Variants in RFTN1 observed in about 807,000 individuals in gnomAD.
RFTN1 encodes the protein raftlin.
Under a neutral mutation model 46.5 loss-of-function variants are expected in RFTN1, and 26 were observed. That is an observed-to-expected ratio of 0.56 (90% confidence interval 0.41 to 0.78). The LOEUF (loss-of-function observed/expected upper bound fraction) is 0.78. Ranked by LOEUF, RFTN1 falls within the 30% of genes least tolerant of loss-of-function variation. The pLI is 0.00. For synonymous variants in RFTN1, 261 were observed against 284.2 expected (o/e 0.92, Z 0.82); for missense variants, 693 against 718.7 (o/e 0.96, Z 0.41).
chr3:16,480,466 C>T lies in RFTN1; in HGVS notation c.145+13259G>A, dbSNP rs140498863. 6.6e-6 allele frequency among the ~76,000 whole-genome samples: 1 copy of T among 152,266 alleles called. No homozygotes were observed. The highest frequency in any genetic ancestry group is 1.9e-4 in the East Asian group (1 of 5,184). On this transcript the variant is annotated intron_variant, in intron 2 of 9. Coordinates refer to ENST00000334133, the MANE Select transcript of RFTN1 (RefSeq NM_015150.2). The surrounding 1 kb of genome is among the most constrained non-coding windows in gnomAD (Gnocchi z 4.3). ...TGGCTGCTAAGTGTAGCAGGTACTC[C>T]TTGCCCATGTAATTTTTACTTATCA...
In RFTN1 at chr3:16,473,201, T is replaced by C. The variant is rs1178280299; in HGVS notation, c.145+20524A>G. Among the ~76,000 whole-genome samples, 1 of 152,186 alleles carries C rather than the reference T, an allele frequency of 6.6e-6. No individual in the cohort carries two copies. The highest frequency in any genetic ancestry group is 6.5e-5 in the Admixed American group (1 of 15,286). ...TCCTTCAGCACAATTAGGTCAACAC[T>C]GTTGACCACAGTATACCACCTCCAC... On this transcript the variant is annotated intron_variant, in intron 2 of 9. Transcript: ENST00000334133. This position sits in a 1 kb window ranked among gnomAD's most constrained non-coding sequence, Gnocchi z 5.3.
rs1009528518 is a variant in RFTN1 at position 16,409,466 on chromosome 3, A to T, written c.350T>A (p.Leu117His). The T allele has an allele frequency of 1.2e-6, 2 of 1,612,046 alleles. No individual in the cohort carries two copies. Among genetic ancestry groups the T allele is most frequent in the Non-Finnish European group, 8.5e-7 (1 of 1,178,292 alleles). The change falls in exon 4 of 10, where the codon CTT becomes CAT. Residue 117 changes from leucine to histidine, a missense_variant. Physicochemically the swap from Leu to His is moderately conservative, Grantham distance 99 (BLOSUM62 -3). Transcript: ENST00000334133. ...TTCCAAGATGTAGCCTTCATTGTGA[A>T]GATCAGTTTTCTGAGATCTGAAGAG... ...KKTDRSQKTDLHNEGYILELD... is the reference protein window; with the variant it reads ...KKTDRSQKTDHHNEGYILELD...
At chr3:16,326,294 AC>A (rs2069680742) in intron 8 of RFTN1, among the ~76,000 whole-genome samples, 1 of 152,238 alleles carries the variant, frequency 6.6e-6, no homozygotes, top group Admixed American at 6.5e-5. Flanking sequence ...GGAGCTGGTG[AC>A]CAGTGCTTGA....
chr3:16,492,340 A>G (rs2076549636), intron 2 of RFTN1, among the ~76,000 whole-genome samples: 1 of 152,178 alleles, frequency 6.6e-6, no homozygotes, highest in East Asian at 1.9e-4. Context: ...GAAGAGAAAC[A>G]CCTGCAGACC....
At chr3:16,508,696 G>GCACACA (rs3029330) in intron 1 of RFTN1, among the ~76,000 whole-genome samples, 1 of 65,746 alleles carries the variant, frequency 1.5e-5, no homozygotes, top group Non-Finnish European at 3.5e-5. Context: ...TCACACGCAC[G>GCACACA]CACACACACA....
rs1341353260 is a variant in RFTN1 at position 16,352,441 on chromosome 3, CATACT to C, written c.1146+5486_1146+5490del. Among the ~76,000 whole-genome samples, 3 of 152,206 alleles carry C rather than the reference CATACT, an allele frequency of 2.0e-5. No individual in the cohort carries two copies. The highest frequency in any genetic ancestry group is 7.2e-5 in the African/African-American group (3 of 41,450). ...TTCCAAGAATTACCCTTTCTGCTCACATACTAGACTGTAAACTCAAAGAAAGTAAA... is the reference window on the plus strand; with the variant it reads ...TTCCAAGAATTACCCTTTCTGCTCACAGACTGTAAACTCAAAGAAAGTAAA... On this transcript the variant is annotated intron_variant, in intron 7 of 9. Transcript: ENST00000334133. The surrounding 1 kb of genome is among the most constrained non-coding windows in gnomAD (Gnocchi z 4.6).
In RFTN1 at chr3:16,377,988, C is replaced by T. The variant is rs2073844153; in HGVS notation, c.556G>A (p.Asp186Asn). Reference protein sequence around the residue: ...APVSTANSTEDARDAKNARGD... With the variant: ...APVSTANSTENARDAKNARGD... The stretch of plus-strand genomic sequence containing the variant: ...CGTGCGTTTTTTGCATCTCTGGCAT[C>T]CTCGGTGCTGTTGGCAGTAGACACC... The change falls in exon 5 of 10, where the codon GAT becomes AAT. Residue 186 changes from aspartate to asparagine, a missense_variant. By Grantham distance (23) the Asp-to-Asn change is conservative (BLOSUM62 1). Transcript: ENST00000334133. The T allele has an allele frequency of 6.2e-7, 1 of 1,614,114 alleles. No homozygotes were observed. Among genetic ancestry groups the T allele is most frequent in the East Asian group, 2.2e-5 (1 of 44,898 alleles).
chr3:16,510,548 A>G (rs959509213), intron 1 of RFTN1, among the ~76,000 whole-genome samples: 2 of 152,186 alleles, frequency 1.3e-5, no homozygotes, highest in African/African-American at 4.8e-5. Context: ...CTATAAAAAC[A>G]TGTTCCCCAC....
intron 6 of RFTN1, among the ~76,000 whole-genome samples, chr3:16,368,636 ATTCCAG>A (rs1559297864): frequency 6.9e-6 from 1 of 145,236 alleles, no homozygotes; most frequent in African/African-American, 2.6e-5. Flanking sequence ...GCGCCACTGC[ATTCCAG>A]CACTCCAGCC....
chr3:16,317,266 G>C lies in RFTN1; in HGVS notation c.1333-34C>G. The C allele has an allele frequency of 6.2e-7, 1 of 1,603,172 alleles. No homozygotes were observed. Among genetic ancestry groups the C allele is most frequent in the East Asian group, 2.2e-5 (1 of 44,838 alleles). On this transcript the variant is annotated intron_variant, in intron 9 of 9. Transcript: ENST00000334133. This position sits in a 1 kb window ranked among gnomAD's most constrained non-coding sequence, Gnocchi z 4.3. ...CAGAAAGGATGGGGATAAATAACAA[G>C]CCTCCGGGAACCCAGAGCTTCACCC...
At chr3:16,393,544 C>T (rs1268892731) in intron 4 of RFTN1, among the ~76,000 whole-genome samples, 2 of 152,150 alleles carry the variant, frequency 1.3e-5, no homozygotes, top group African/African-American at 4.8e-5. Context: ...CAAGATCTCT[C>T]ACAATATAAG....
rs1460134547 is a variant in RFTN1 at position 16,376,917 on chromosome 3, C to A, written c.826+801G>T. ...AATAAATGGTAATAACAATATTAACCAGGGAGATCATCCAGAAAGGCCTAA... is the reference window on the plus strand; with the variant it reads ...AATAAATGGTAATAACAATATTAACAAGGGAGATCATCCAGAAAGGCCTAA... On this transcript the variant is annotated intron_variant, in intron 5 of 9. Transcript: ENST00000334133. The surrounding 1 kb of genome is among the most constrained non-coding windows in gnomAD (Gnocchi z 4.7). 6.6e-6 allele frequency among the ~76,000 whole-genome samples: 1 copy of A among 151,956 alleles called. No individual in the cohort carries two copies. Among genetic ancestry groups the A allele is most frequent in the East Asian group, 1.9e-4 (1 of 5,182 alleles).
At chr3:16,455,182 T>G (rs1451607134) in intron 2 of RFTN1, among the ~76,000 whole-genome samples, 2 of 152,232 alleles carry the variant, frequency 1.3e-5, no homozygotes, top group Non-Finnish European at 2.9e-5. Context: ...CAGCAGCATA[T>G]GACCTGCCCA....
In RFTN1 at chr3:16,447,100, A is replaced by G. The variant is rs937163770; in HGVS notation, c.146-13063T>C. 2.0e-5 allele frequency among the ~76,000 whole-genome samples: 3 copies of G among 152,172 alleles called. No homozygotes were observed. Among genetic ancestry groups the G allele is most frequent in the Non-Finnish European group, 4.4e-5 (3 of 68,028 alleles). On this transcript the variant is annotated intron_variant, in intron 2 of 9. Transcript: ENST00000334133. This position sits in a 1 kb window ranked among gnomAD's most constrained non-coding sequence, Gnocchi z 5.9. The stretch of plus-strand genomic sequence containing the variant: ...CCCCAAGACACACCAGCAAATTCCT[A>G]TCAGTGGATTCTCCTTTTCCTCACT...
At chr3:16,491,838 T>C (rs1468691244) in intron 2 of RFTN1, among the ~76,000 whole-genome samples, 1 of 152,166 alleles carries the variant, frequency 6.6e-6, no homozygotes, top group Non-Finnish European at 1.5e-5. Flanking sequence ...CTCAGCATCC[T>C]AATACTTAAC....
At chr3:16,368,080 G>C (rs978944892) in intron 6 of RFTN1, among the ~76,000 whole-genome samples, 10 of 146,538 alleles carry the variant, frequency 6.8e-5, no homozygotes, top group Non-Finnish European at 1.5e-4. Flanking sequence ...GGGGATGAAA[G>C]GAGCCACTGT....
rs1325381723 is a variant in RFTN1 at position 16,483,312 on chromosome 3, C to T, written c.145+10413G>A. On this transcript the variant is annotated intron_variant, in intron 2 of 9. Coordinates refer to ENST00000334133, the MANE Select transcript of RFTN1 (RefSeq NM_015150.2). The surrounding 1 kb of genome is among the most constrained non-coding windows in gnomAD (Gnocchi z 4.8). Reference sequence around the variant, plus strand: ...TCATCCCCTCCAATTCTCTTCCTTCCTTTCCCTAGTTTACGATGTTGGGCT... The same window carrying T: ...TCATCCCCTCCAATTCTCTTCCTTCTTTTCCCTAGTTTACGATGTTGGGCT... Among the ~76,000 whole-genome samples the T allele has an allele frequency of 6.6e-6, 1 of 152,192 alleles. No homozygotes were observed. Among genetic ancestry groups the T allele is most frequent in the Non-Finnish European group, 1.5e-5 (1 of 68,030 alleles).
Position 16,422,009 on chromosome 3 carries a change from C to A in RFTN1, c.332+11842G>T, listed in dbSNP as rs1559338751. Among the ~76,000 whole-genome samples, 1 of 152,092 alleles carries A rather than the reference C, an allele frequency of 6.6e-6. No homozygotes were observed. The highest frequency in any genetic ancestry group is 2.4e-5 in the African/African-American group (1 of 41,404). On this transcript the variant is annotated intron_variant, in intron 3 of 9. Coordinates refer to ENST00000334133, the MANE Select transcript of RFTN1 (RefSeq NM_015150.2). The surrounding 1 kb of genome is among the most constrained non-coding windows in gnomAD (Gnocchi z 4.6). ...TCAACCTGAATGCTAAATATTATGA[C>A]ACATCATCTCTCTCCTAATTTTTCA...
chr3:16,472,379 C>G (rs2076214533), intron 2 of RFTN1: 1 of 152,194 alleles, frequency 6.6e-6, no homozygotes, highest in Non-Finnish European at 1.5e-5. Context: ...AAAGAAGAAA[C>G]AGAGATCATC....
Sources: gnomAD v4.1 joint callset for allele counts (sites outside exome capture counted in the v4.1 genomes callset) on GRCh38, gnomAD v4.1.1 for gene constraint, Gnocchi (gnomAD v3.1) non-coding constraint, MANE v1.5 for transcripts, NCBI Gene and HGNC (gene_info 2026-07-23, HGNC 2026-07-21) for gene names.